Variants in PTP4A1 observed in about 807,000 individuals in gnomAD.
PTP4A1 encodes protein tyrosine phosphatase type IVA 1.
In PTP4A1, 9 loss-of-function variants were observed where a neutral mutation model predicts 20.5. The ratio of observed to expected loss-of-function variants is 0.44; its 90% CI spans 0.26 to 0.77. PTP4A1 has a LOEUF of 0.77. Among genes scored for constraint, PTP4A1 ranks in the 30% least tolerant of loss-of-function variants. The probability of loss-of-function intolerance (pLI) is 0.19; values close to 1 mark genes in which losing one functional copy is unlikely to be tolerated. For synonymous variants in PTP4A1, 78 were observed against 67.4 expected, an observed-to-expected ratio of 1.16 and a Z score of -0.77; for missense variants, 137 against 218.8, an observed-to-expected ratio of 0.63 and a Z score of 2.36.
At chr6:63,540,723 A>C (rs1364496951) in intron 2 of PTP4A1, among the ~76,000 whole-genome samples, 1 of 152,090 alleles carries the variant, frequency 6.6e-6, no homozygotes, top group Non-Finnish European at 1.5e-5. Context: ...CACACAAAAC[A>C]GGATGCATAT....
intron 2 of PTP4A1, among the ~76,000 whole-genome samples, chr6:63,546,479 G>T (rs1329880678): frequency 1.3e-5 from 2 of 152,212 alleles, no homozygotes; most frequent in Admixed American, 6.5e-5. Context: ...GCCAAGGCAG[G>T]TGGATCACTT....
At chr6:63,563,335 G>A (rs1371370997) in intron 3 of PTP4A1, among the ~76,000 whole-genome samples, 4 of 152,088 alleles carry the variant, frequency 2.6e-5, no homozygotes, top group Non-Finnish European at 5.9e-5. Flanking sequence ...CCCTTGTATT[G>A]CTGCAGTCCC....
At chr6:63,552,464 T>C (rs1776495330) in intron 3 of PTP4A1, among the ~76,000 whole-genome samples, 1 of 152,146 alleles carries the variant, frequency 6.6e-6, no homozygotes, top group African/African-American at 2.4e-5. Flanking sequence ...GTTGCAAAAA[T>C]TTTCTCCCAT....
chr6:63,536,248 C>G (rs987821872), intron 2 of PTP4A1, among the ~76,000 whole-genome samples: 11 of 152,014 alleles, frequency 7.2e-5, no homozygotes, highest in Admixed American at 4.6e-4. Context: ...GAGAATCGCT[C>G]GAACCTGGGA....
chr6:63,542,279 G>T (rs940125499), intron 2 of PTP4A1, among the ~76,000 whole-genome samples: 4 of 152,080 alleles, frequency 2.6e-5, no homozygotes, highest in Middle Eastern at 3.4e-3. Context: ...AGGGGGAAAG[G>T]GTGGGAAGAG....
chr6:63,518,067 G>A (rs763557206), upstream of PTP4A1, among the ~76,000 whole-genome samples: 1 of 150,270 alleles, frequency 6.7e-6, no homozygotes, highest in Non-Finnish European at 1.5e-5. Context: ...CAAGAGAATT[G>A]CTTAAACCCG....
chr6:63,541,407 G>T (rs543599821), intron 2 of PTP4A1, among the ~76,000 whole-genome samples: 6 of 152,046 alleles, frequency 3.9e-5, no homozygotes, highest in African/African-American at 1.4e-4. Flanking sequence ...CAAAAAAATA[G>T]CCAGGCATAG....
At position 63,580,668 on chromosome 6, in the gene PTP4A1, C is replaced by A. The variant is rs1261029628; in HGVS notation, c.*494C>A. On this transcript the variant is annotated 3_prime_UTR_variant, in exon 6 of 6. Transcript: ENST00000626021. Reference sequence around the variant, plus strand: ...GGGCCTACATGGTTATTTGCCTGCTCACTTTATGTTTACATCTCCCACATT... The same window carrying A: ...GGGCCTACATGGTTATTTGCCTGCTAACTTTATGTTTACATCTCCCACATT... 2 of 152,922 alleles carry A rather than the reference C, an allele frequency of 1.3e-5. No individual in the cohort carries two copies. Among genetic ancestry groups the A allele is most frequent in the Admixed American group, 6.5e-5 (1 of 15,332 alleles). The allele number at this position is 152,922 out of a possible 1,614,324, so 9.5% of individuals were successfully genotyped here.
chr6:63,563,576 T>A (rs13205487), intron 3 of PTP4A1, among the ~76,000 whole-genome samples: 1 of 152,160 alleles, frequency 6.6e-6, no homozygotes, highest in Non-Finnish European at 1.5e-5. Context: ...TATTCTATGC[T>A]TATTTACTTG....
At chr6:63,563,285 C>T (rs1254970547) in intron 3 of PTP4A1, among the ~76,000 whole-genome samples, 2 of 152,214 alleles carry the variant, frequency 1.3e-5, no homozygotes, top group Non-Finnish European at 2.9e-5. Context: ...CAAGGTCCTA[C>T]GTGATCCAGT....
At chr6:63,577,820 A>C (rs142014159) in intron 2 of PTP4A1, among the ~76,000 whole-genome samples, 63 of 150,912 alleles carry the variant, frequency 4.2e-4, no homozygotes, top group African/African-American at 1.5e-3. Context: ...GAAATACTTT[A>C]ATGGTACTTT....
At chr6:63,579,952 CAA>C (rs1778117153) in intron 5 of PTP4A1, 103 bp from the exon 6 acceptor site, 2 of 796,746 alleles carry the variant, frequency 2.5e-6, no homozygotes, top group Non-Finnish European at 4.1e-6. Context: ...CCTAATTAAT[CAA>C]AAGATAAATT....
At chr6:63,520,149 C>T (rs977926723), upstream of PTP4A1, among the ~76,000 whole-genome samples, 2 of 152,184 alleles carry the variant, frequency 1.3e-5, no homozygotes, top group African/African-American at 2.4e-5. Context: ...TGCATTGATA[C>T]TTTTCTCTCC....
At position 63,555,440 on chromosome 6, in the gene PTP4A1, A is replaced by C. The variant is rs188085449; in HGVS notation, c.-446+4947A>C. Among the ~76,000 whole-genome samples, 672 of 152,322 alleles carry C rather than the reference A, an allele frequency of 4.4e-3. 7 individuals carry two copies. Among genetic ancestry groups the C allele is most frequent in the Non-Finnish European group, 6.4e-3 (437 of 68,028 alleles). ...GGCCAAAAAGTATCTCCCTTTCTCCAGTGTCTTCAGTTATCCATTTGTATA... is the reference window on the plus strand; with the variant it reads ...GGCCAAAAAGTATCTCCCTTTCTCCCGTGTCTTCAGTTATCCATTTGTATA... On this transcript the variant is annotated intron_variant, in intron 3 of 3. Coordinates refer to the PTP4A1 transcript ENST00000639568.
intron 1 of PTP4A1, 139 bp downstream of exon 1, chr6:63,572,858 C>T: frequency 2.5e-6 from 1 of 392,162 alleles, no homozygotes; most frequent in Non-Finnish European, 4.5e-6. Flanking sequence ...CGGGTGGGAG[C>T]GGGCGGGTTA....
chr6:63,518,154 CAAAAAAA>C (rs60368385), upstream of PTP4A1, among the ~76,000 whole-genome samples: 9 of 62,112 alleles, frequency 1.4e-4, no homozygotes, highest in Non-Finnish European at 2.3e-4. Flanking sequence ...ACTCCGTCTC[CAAAAAAA>C]AAAAAAAAAA....
At chr6:63,556,036 A>G (rs906041698) in intron 3 of PTP4A1, among the ~76,000 whole-genome samples, 6 of 152,224 alleles carry the variant, frequency 3.9e-5, no homozygotes, top group Middle Eastern at 3.4e-3. Context: ...GTATAACACA[A>G]TAAAGACAAT....
At chr6:63,559,829 T>TCA in intron 3 of PTP4A1, among the ~76,000 whole-genome samples, 1 of 151,952 alleles carries the variant, frequency 6.6e-6, no homozygotes, top group Non-Finnish European at 1.5e-5. Context: ...CTGAGGCAGG[T>TCA]TTGCCCAGGC....
Position 63,532,424 on chromosome 6 carries a change from C to T in PTP4A1, c.-640+4340C>T, listed in dbSNP as rs560000678. On this transcript the variant is annotated intron_variant, in intron 2 of 3. Transcript: ENST00000639568. Reference sequence around the variant, plus strand: ...ATACTACCAGTACCAGCCACAGGACCTGCTCATGGCTGCATACATCCTATG... The same window carrying T: ...ATACTACCAGTACCAGCCACAGGACTTGCTCATGGCTGCATACATCCTATG... 4.9e-4 allele frequency among the ~76,000 whole-genome samples: 75 copies of T among 152,284 alleles called. 1 individual carries two copies. The South Asian group carries it at 0.016, about 32-fold the overall frequency.
Sources: gnomAD v4.1 joint callset for allele counts (sites outside exome capture counted in the v4.1 genomes callset) on GRCh38, gnomAD v4.1.1 for gene constraint, MANE v1.5 for transcripts, NCBI Gene and HGNC (gene_info 2026-07-23, HGNC 2026-07-21) for gene names.